The following DRD2 variants were observed in gnomAD, a reference collection of about 807,000 sequenced individuals.
DRD2 encodes dopamine receptor D2, also known as D(2) dopamine receptor.
In DRD2, 8 loss-of-function variants were observed where a neutral mutation model predicts 38.0. The ratio of observed to expected loss-of-function variants is 0.21; its 90% confidence interval spans 0.12 to 0.38. The LOEUF is 0.38. Ranked by LOEUF, DRD2 falls within the 10% of genes least tolerant of loss-of-function variation. The pLI is 1.00. For synonymous variants in DRD2, 230 were observed against 238.6 expected (o/e 0.96, Z 0.33); for missense variants, 403 against 607.7 (o/e 0.66, Z 3.54).
intron 1 of DRD2, among the ~76,000 whole-genome samples, chr11:113,433,617 G>A (rs1951009289): frequency 6.6e-6 from 1 of 152,222 alleles, no homozygotes; most frequent in Non-Finnish European, 1.5e-5. Flanking sequence ...GGACCGCGCA[G>A]CAGCTCTTGG....
chr11:113,448,133 G>A lies in DRD2; in HGVS notation c.-31-23451C>T, dbSNP rs114419425. On this transcript the variant is annotated intron_variant, in intron 1 of 7. Coordinates refer to ENST00000362072, the MANE Select transcript of DRD2 (RefSeq NM_000795.4). The stretch of plus-strand genomic sequence containing the variant: ...TCATCACTCTGCGAGATGGAACCAC[G>A]AAACAGGGAGTGAGTGAGTCACCAG... Among the ~76,000 whole-genome samples the A allele has an allele frequency of 8.7e-3, 1,324 of 152,308 alleles. 17 individuals are homozygous for A. The highest frequency in any genetic ancestry group is 0.03 in the African/African-American group (1,255 of 41,558).
intron 1 of DRD2, among the ~76,000 whole-genome samples, chr11:113,445,637 G>A (rs1007035156): frequency 6.6e-6 from 1 of 152,216 alleles, no homozygotes. Context: ...GGTGCTGACT[G>A]CGCATGCAAG....
chr11:113,417,069 C>T, intron 3 of DRD2, 70 bp from the exon 4 acceptor site: 3 of 1,574,868 alleles, frequency 1.9e-6, no homozygotes, highest in Non-Finnish European at 2.6e-6. Flanking sequence ...TATGCACACA[C>T]CAGAGACACC....
At chr11:113,468,927 T>A (rs899844086) in intron 1 of DRD2, among the ~76,000 whole-genome samples, 1 of 152,178 alleles carries the variant, frequency 6.6e-6, no homozygotes, top group Non-Finnish European at 1.5e-5. Flanking sequence ...CGCCCTCACA[T>A]TTCTGTAAAA....
At chr11:113,460,183 G>A (rs934442455) in intron 1 of DRD2, among the ~76,000 whole-genome samples, 6 of 152,214 alleles carry the variant, frequency 3.9e-5, no homozygotes, top group Non-Finnish European at 5.9e-5. Flanking sequence ...CATTATTCCA[G>A]TTCCCTCAGT....
At position 113,412,657 on chromosome 11, in the gene DRD2, A is replaced by G. The variant is rs1292384569; in HGVS notation, c.1037T>C (p.Met346Thr). The change falls in exon 7 of 8, where the codon ATG becomes ACG. Residue 346 changes from methionine (M) to threonine (T), a missense_variant. Physicochemically the swap from Met to Thr is moderately conservative, Grantham distance 81 (BLOSUM62 -1). Coordinates refer to ENST00000362072, the MANE Select transcript of DRD2 (RefSeq NM_000795.4). ...GGAGGTCCGGGTTTTGCCATTGGGC[A>G]TGGTCTGGATCTCAAAGATCTTGGC... ...KIAKIFEIQTMPNGKTRTSLK... is the reference protein window; with the variant it reads ...KIAKIFEIQTTPNGKTRTSLK... The G allele has an allele frequency of 1.2e-6, 2 of 1,614,088 alleles. No individual in the cohort carries two copies. Among genetic ancestry groups the G allele is most frequent in the African/African-American group, 1.3e-5 (1 of 75,016 alleles).
intron 2 of DRD2, among the ~76,000 whole-genome samples, chr11:113,422,720 G>C (rs2138176706): frequency 6.6e-6 from 1 of 152,310 alleles, no homozygotes; most frequent in Non-Finnish European, 1.5e-5. Flanking sequence ...ATGGATCAGA[G>C]CTCCCTTGGG....
At position 113,463,444 on chromosome 11, in the gene DRD2, G is replaced by A. The variant is rs575982349; in HGVS notation, c.-32+11632C>T. ...CAAGCAGCCATGAGACCCTGAACAC[G>A]TTACTTCCCTCTCCAAGTACAATTT... On this transcript the variant is annotated intron_variant, in intron 1 of 7. Transcript: ENST00000362072. 4.6e-5 allele frequency among the ~76,000 whole-genome samples: 7 copies of A among 152,278 alleles called. No homozygotes were observed. In the South Asian group the frequency reaches 6.2e-4, roughly 14 times the overall value.
At chr11:113,473,300 G>A in intron 1 of DRD2, among the ~76,000 whole-genome samples, 1 of 152,134 alleles carries the variant, frequency 6.6e-6, no homozygotes, top group Non-Finnish European at 1.5e-5. Flanking sequence ...TGCTAATTCA[G>A]TGTACACATG....
intron 1 of DRD2, among the ~76,000 whole-genome samples, chr11:113,468,662 C>G (rs2119999122): frequency 6.6e-6 from 1 of 152,294 alleles, no homozygotes; most frequent in Non-Finnish European, 1.5e-5. Flanking sequence ...ATTTTCCTGC[C>G]TCAGCCTCCT....
At chr11:113,452,435 C>T (rs998553664) in intron 1 of DRD2, among the ~76,000 whole-genome samples, 10 of 130,410 alleles carry the variant, frequency 7.7e-5, no homozygotes, top group East Asian at 2.6e-4. Context: ...GGTGTGCATG[C>T]GTGTGTGTGT....
At chr11:113,427,662 C>T (rs1849195957) in intron 1 of DRD2, among the ~76,000 whole-genome samples, 1 of 152,152 alleles carries the variant, frequency 6.6e-6, no homozygotes, top group Non-Finnish European at 1.5e-5. Flanking sequence ...ACTTGAAAGG[C>T]ACCTGCTAAC....
chr11:113,462,940 T>C (rs1241219019), intron 1 of DRD2, among the ~76,000 whole-genome samples: 3 of 151,804 alleles, frequency 2.0e-5, no homozygotes, highest in African/African-American at 4.8e-5. Flanking sequence ...TCCTAAGATA[T>C]GACTGATGAT....
chr11:113,423,077 C>A (rs1283085533), intron 2 of DRD2, among the ~76,000 whole-genome samples: 3 of 152,036 alleles, frequency 2.0e-5, no homozygotes, highest in Admixed American at 6.6e-5. Context: ...GAAAGCTGGG[C>A]AGAGAAAGGG....
chr11:113,443,826 A>T (rs1005383975), intron 1 of DRD2, among the ~76,000 whole-genome samples: 2 of 152,248 alleles, frequency 1.3e-5, no homozygotes, highest in Non-Finnish European at 2.9e-5. Context: ...ACAAACAAAA[A>T]ACCTAACTAG....
intron 1 of DRD2, among the ~76,000 whole-genome samples, chr11:113,429,697 C>T (rs191236595): frequency 1.1e-4 from 16 of 152,296 alleles, no homozygotes; most frequent in East Asian, 5.8e-4. Context: ...ATTCAGACAT[C>T]AGCAAATCCA....
At chr11:113,425,017 C>A (rs1950926747) in intron 1 of DRD2, 2 of 327,444 alleles carry the variant, frequency 6.1e-6, no homozygotes, top group South Asian at 3.4e-5. Context: ...GGCTTGCTAC[C>A]TTCTAGTCAT....
chr11:113,450,198 A>AATCCCGGCAACT (rs1951198206), intron 1 of DRD2: 1 of 152,476 alleles, frequency 6.6e-6, no homozygotes, highest in South Asian at 2.1e-4. Context: ...CCTATCATGA[A>AATCCCGGCAACT]ATCCCGGCAA....
At chr11:113,458,197 A>C (rs563991630) in intron 1 of DRD2, among the ~76,000 whole-genome samples, 5 of 152,256 alleles carry the variant, frequency 3.3e-5, no homozygotes, top group Non-Finnish European at 7.3e-5. Context: ...ATATATAAAC[A>C]CACACATCCC....
Sources: gnomAD v4.1 joint callset for allele counts (sites outside exome capture counted in the v4.1 genomes callset) on GRCh38, gnomAD v4.1.1 for gene constraint, MANE v1.5 for transcripts, NCBI Gene and HGNC (gene_info 2026-07-23, HGNC 2026-07-21) for gene names.